The following ANK3 variants were observed in gnomAD, a reference collection of about 807,000 sequenced individuals.
The protein encoded by ANK3 is ankyrin-3.
Under a neutral mutation model 370.9 loss-of-function variants are expected in ANK3, and 57 were observed. That is an observed-to-expected ratio of 0.15 (90% CI 0.12 to 0.19). The LOEUF (loss-of-function observed/expected upper bound fraction) is 0.19. Ranked by LOEUF, ANK3 falls within the 10% of genes least tolerant of loss-of-function variation. The pLI is 1.00. For missense variants in ANK3, 4,439 were observed against 5,302.1 expected, an observed-to-expected ratio of 0.84 and a Z score of 5.06; for synonymous variants, 1,929 against 1,946.3, an observed-to-expected ratio of 0.99 and a Z score of 0.23.
At chr10:60,327,953 G>C (rs565365142) in intron 1 of ANK3, among the ~76,000 whole-genome samples, 1 of 152,126 alleles carries the variant, frequency 6.6e-6, no homozygotes, top group South Asian at 2.1e-4. Context: ...TGTGTAAATG[G>C]AAGTTTGGTA....
intron 1 of ANK3, among the ~76,000 whole-genome samples, chr10:60,651,390 A>G (rs1316349056): frequency 1.3e-5 from 2 of 152,206 alleles, no homozygotes; most frequent in Admixed American, 6.5e-5. Context: ...CAAGGGCCTC[A>G]GTCAAAACTA....
At chr10:60,272,452 T>TG (rs1270991364) in intron 4 of ANK3, among the ~76,000 whole-genome samples, 26 of 140,768 alleles carry the variant, frequency 1.8e-4, no homozygotes, top group Non-Finnish European at 3.4e-4. Flanking sequence ...TTTAGAAGTT[T>TG]TTTGTTGTTG....
At chr10:60,347,410 A>G (rs575286217) in intron 1 of ANK3, among the ~76,000 whole-genome samples, 1 of 151,956 alleles carries the variant, frequency 6.6e-6, no homozygotes, top group South Asian at 2.1e-4. Context: ...TTGACTATGA[A>G]GCACTTCCTT....
intron 18 of ANK3, among the ~76,000 whole-genome samples, chr10:60,176,160 CCT>C (rs1039572839): frequency 6.7e-6 from 1 of 148,630 alleles, no homozygotes; most frequent in African/African-American, 2.5e-5. Context: ...TGGCAAAAAC[CCT>C]GTCTCTGCTA....
chr10:60,439,896 A>T (rs2064254567), intron 2 of ANK3, among the ~76,000 whole-genome samples: 1 of 152,206 alleles, frequency 6.6e-6, no homozygotes, highest in African/African-American at 2.4e-5. Context: ...CCAGCAGCTG[A>T]AAAGCCTGTG....
Position 60,075,063 on chromosome 10 carries a change from C to G in ANK3, c.5818G>C (p.Asp1940His). ...QPELPKEGRI[D>H]DEEPFKIVEK... ...ACAATTTTGAAAGGTTCTTCATCAT[C>G]TATTCTCCCTTCCTTTGGGAGTTCA... is the stretch of plus-strand genomic sequence containing the variant. The change falls in exon 37 of 44, where the codon GAT becomes CAT. Residue 1940 changes from aspartate to histidine, a missense_variant. By Grantham distance (81) the Asp-to-His change is moderately conservative. Coordinates refer to ENST00000280772, the MANE Select transcript of ANK3 (RefSeq NM_020987.5). 1 of 1,614,046 alleles carries G rather than the reference C, an allele frequency of 6.2e-7. No homozygotes were observed. Among genetic ancestry groups the G allele is most frequent in the Non-Finnish European group, 8.5e-7 (1 of 1,180,000 alleles).
At chr10:60,468,692 G>A (rs1458504042) in intron 2 of ANK3, among the ~76,000 whole-genome samples, 1 of 151,754 alleles carries the variant, frequency 6.6e-6, no homozygotes, top group Non-Finnish European at 1.5e-5. Context: ...GCTTTAAAAT[G>A]CAGCTTTAAA....
intron 2 of ANK3, among the ~76,000 whole-genome samples, chr10:60,411,747 C>T (rs184734622): frequency 6.6e-6 from 1 of 152,266 alleles, no homozygotes; most frequent in East Asian, 1.9e-4. Flanking sequence ...TAAGTGACCC[C>T]ATCTGCCTGT....
At chr10:60,261,759 A>G in intron 7 of ANK3, 100 bp downstream of exon 7, 1 of 948,554 alleles carries the variant, frequency 1.1e-6, no homozygotes, top group Non-Finnish European at 1.6e-6. Flanking sequence ...GACTGGAAGG[A>G]CTCTTGGAGA....
chr10:60,460,404 G>C (rs2064853814), intron 2 of ANK3, among the ~76,000 whole-genome samples: 3 of 152,120 alleles, frequency 2.0e-5, no homozygotes, highest in Admixed American at 1.3e-4. Context: ...GGCACAAAAA[G>C]ATGATTGCCA....
intron 1 of ANK3, among the ~76,000 whole-genome samples, chr10:60,359,237 G>T (rs1025909610): frequency 6.6e-6 from 1 of 151,988 alleles, no homozygotes; most frequent in Non-Finnish European, 1.5e-5. Context: ...AAAGACATCT[G>T]GCTCTCCTCT....
chr10:60,183,773 G>C (rs889784224), intron 17 of ANK3, among the ~76,000 whole-genome samples: 1 of 151,438 alleles, frequency 6.6e-6, no homozygotes, highest in Admixed American at 6.6e-5. Flanking sequence ...CAGAAGAATC[G>C]CTTACACCCT....
rs1349032885 is a variant in ANK3, at chr10:60,427,918, A to C, written c.97-148279T>G. Among the ~76,000 whole-genome samples, 3 of 152,120 alleles carry C rather than the reference A, an allele frequency of 2.0e-5. No individual in the cohort carries two copies. The East Asian group carries it at 5.8e-4, about 29-fold the overall frequency. On this transcript the variant is annotated intron_variant, in intron 2 of 43. Coordinates refer to the ANK3 transcript ENST00000373827. ...CTGAGAAGGACACATTTGAGTAAGC[A>C]GTTAAACAATGCACAGTTACTAGGG...
At chr10:60,615,420 TTAGA>T (rs889119844) in intron 1 of ANK3, among the ~76,000 whole-genome samples, 4 of 151,590 alleles carry the variant, frequency 2.6e-5, no homozygotes, top group Non-Finnish European at 5.9e-5. Context: ...CAGGAAATGC[TTAGA>T]TAACTACAAA....
At chr10:60,524,874 G>A (rs1471656145) in intron 2 of ANK3, among the ~76,000 whole-genome samples, 4 of 152,032 alleles carry the variant, frequency 2.6e-5, no homozygotes, top group Admixed American at 2.6e-4. Flanking sequence ...TGAACCCACA[G>A]TTCACTTGAT....
At chr10:60,034,039 G>A (rs1373622627) in intron 43 of ANK3, among the ~76,000 whole-genome samples, 1 of 149,426 alleles carries the variant, frequency 6.7e-6, no homozygotes, top group African/African-American at 2.5e-5. Flanking sequence ...TTTGAGTATA[G>A]ATTCTGATTC....
rs1177245675 is a variant in ANK3, at chr10:60,043,366, T to G, written c.13066-607A>C. 5 of 984,532 alleles carry G rather than the reference T, an allele frequency of 5.1e-6. No individual in the cohort carries two copies. The Admixed American group carries it at 3.1e-4, about 61-fold the overall frequency. The allele number at this position is 984,532 out of a possible 1,614,324, so 61.0% of individuals were successfully genotyped here. Reference sequence around the variant, plus strand: ...GCCTTTTCAATTTTGTGATTTGTACTTCTGATAAATTTTCAGTTTACTTTT... The same window carrying G: ...GCCTTTTCAATTTTGTGATTTGTACGTCTGATAAATTTTCAGTTTACTTTT... On this transcript the variant is annotated intron_variant, in intron 42 of 43. Transcript: ENST00000280772.
At chr10:60,116,277 G>C (rs1236334425) in intron 25 of ANK3, among the ~76,000 whole-genome samples, 1 of 152,090 alleles carries the variant, frequency 6.6e-6, no homozygotes. Flanking sequence ...CAAAAAATGG[G>C]AAGTCTCTGA....
intron 25 of ANK3, among the ~76,000 whole-genome samples, chr10:60,118,416 T>C (rs2093255117): frequency 6.6e-6 from 1 of 152,096 alleles, no homozygotes; most frequent in Non-Finnish European, 1.5e-5. Context: ...CGAGGACACA[T>C]CTAGTGAATG....
Sources: gnomAD v4.1 joint callset for allele counts (sites outside exome capture counted in the v4.1 genomes callset) on GRCh38, gnomAD v4.1.1 for gene constraint, MANE v1.5 for transcripts, NCBI Gene and HGNC (gene_info 2026-07-23, HGNC 2026-07-21) for gene names.